DOK6: variants seen among roughly 807,000 people sequenced by gnomAD.
The protein encoded by DOK6 is docking protein 6, also known as downstream of tyrosine kinase 6.
DOK6 carries 22 observed loss-of-function variants against 44.0 expected under a neutral mutation model. The ratio of observed to expected loss-of-function variants is 0.50; its 90% CI spans 0.36 to 0.71. The LOEUF is 0.71. Ranked by LOEUF, DOK6 falls within the 30% of genes least tolerant of loss-of-function variation. The pLI is 0.00. For missense variants in DOK6, 340 were observed against 416.4 expected (o/e 0.82, Z 1.60); for synonymous variants, 166 against 145.5 (o/e 1.14, Z -1.01).
chr18:69,712,219 T>C (rs1986775031), intron 5 of DOK6, among the ~76,000 whole-genome samples: 1 of 121,560 alleles, frequency 8.2e-6, no homozygotes, highest in South Asian at 2.8e-4. Flanking sequence ...AGGCAGAGCT[T>C]GCAGTGAGCC....
At chr18:69,555,526 C>T (rs1982665718) in intron 1 of DOK6, among the ~76,000 whole-genome samples, 1 of 152,084 alleles carries the variant, frequency 6.6e-6, no homozygotes, top group Admixed American at 6.6e-5. Flanking sequence ...TTGAAGTGCT[C>T]CTTTTGTCAT....
chr18:69,642,748 C>T (rs1047814412), intron 3 of DOK6, among the ~76,000 whole-genome samples: 5 of 152,114 alleles, frequency 3.3e-5, no homozygotes, highest in African/African-American at 1.2e-4. Flanking sequence ...CAGCCTGACA[C>T]GAGAAGGTAC....
chr18:69,815,469 T>G (rs546139212), intron 7 of DOK6, among the ~76,000 whole-genome samples: 5 of 152,318 alleles, frequency 3.3e-5, no homozygotes, highest in Admixed American at 6.5e-5. Flanking sequence ...TACTTGGGAC[T>G]ACGAATAAGG....
intron 3 of DOK6, among the ~76,000 whole-genome samples, chr18:69,626,828 T>C (rs1375176297): frequency 6.6e-6 from 1 of 152,174 alleles, no homozygotes; most frequent in Non-Finnish European, 1.5e-5. Context: ...CATGCAAAAC[T>C]GGCAAGAGGT....
intron 4 of DOK6, among the ~76,000 whole-genome samples, chr18:69,689,870 A>G (rs948286562): frequency 6.6e-6 from 1 of 152,154 alleles, no homozygotes; most frequent in African/African-American, 2.4e-5. Context: ...TAGCACAGCT[A>G]TATAGTGTAA....
chr18:69,806,266 G>A (rs1981049600), intron 7 of DOK6, among the ~76,000 whole-genome samples: 1 of 151,898 alleles, frequency 6.6e-6, no homozygotes, highest in Admixed American at 6.6e-5. Context: ...AGATGGTTTT[G>A]CTGCCAAGAA....
chr18:69,677,858 G>T lies in DOK6; in HGVS notation c.409+5G>T. The stretch of plus-strand genomic sequence containing the variant: ...GAGTGCAGCGGGAACAGAATGGTAG[G>T]TGTGAGATTGCCTTCCATCACTTCA... On this transcript the variant is annotated splice_donor_5th_base_variant and intron_variant, in intron 4 of 7. Coordinates refer to ENST00000382713, the MANE Select transcript of DOK6 (RefSeq NM_152721.6). The T allele has an allele frequency of 5.0e-6, 8 of 1,612,490 alleles. No homozygotes were observed. The highest frequency in any genetic ancestry group is 6.8e-6 in the Non-Finnish European group (8 of 1,179,092).
intron 2 of DOK6, among the ~76,000 whole-genome samples, chr18:69,587,506 T>A (rs1397335161): frequency 6.6e-6 from 1 of 152,088 alleles, no homozygotes; most frequent in Admixed American, 6.6e-5. Flanking sequence ...AAGACCCCTT[T>A]TCCAAATAAG....
intron 2 of DOK6, among the ~76,000 whole-genome samples, chr18:69,574,682 T>C (rs1024751405): frequency 5.3e-5 from 8 of 152,040 alleles, no homozygotes; most frequent in African/African-American, 1.9e-4. Flanking sequence ...AAAAATTGCA[T>C]GGGGCAATAA....
intron 1 of DOK6, among the ~76,000 whole-genome samples, chr18:69,561,793 A>G (rs1437171668): frequency 1.3e-5 from 2 of 152,172 alleles, no homozygotes; most frequent in Non-Finnish European, 2.9e-5. Context: ...TGGTTGTTCT[A>G]CTTTTATAAT....
At chr18:69,588,137 G>GACATTA (rs1347204712) in intron 2 of DOK6, among the ~76,000 whole-genome samples, 1 of 152,076 alleles carries the variant, frequency 6.6e-6, no homozygotes, top group East Asian at 1.9e-4. Flanking sequence ...TTCTCTCTAT[G>GACATTA]ACATTAACTG....
chr18:69,550,808 C>T (rs868302839), intron 1 of DOK6, among the ~76,000 whole-genome samples: 2 of 127,432 alleles, frequency 1.6e-5, no homozygotes, highest in African/African-American at 3.1e-5. Context: ...TATTTTGAGA[C>T]GGTCTTACTC....
At chr18:69,594,752 G>A (rs1043089053) in intron 2 of DOK6, among the ~76,000 whole-genome samples, 1 of 152,002 alleles carries the variant, frequency 6.6e-6, no homozygotes, top group Non-Finnish European at 1.5e-5. Flanking sequence ...ACTTTGGGAG[G>A]TGGAGGCAGG....
chr18:69,549,883 T>TG (rs1388856478), intron 1 of DOK6, among the ~76,000 whole-genome samples: 1 of 150,658 alleles, frequency 6.6e-6, no homozygotes, highest in Non-Finnish European at 1.5e-5. Context: ...TTTTTTTTTT[T>TG]TGCCTATCTA....
chr18:69,567,667 C>A (rs1309615722), intron 2 of DOK6, among the ~76,000 whole-genome samples: 2 of 152,136 alleles, frequency 1.3e-5, no homozygotes, highest in African/African-American at 4.8e-5. Context: ...ATTTCCAGTA[C>A]ATAACAGTGA....
intron 5 of DOK6, among the ~76,000 whole-genome samples, chr18:69,725,660 G>T (rs1293102860): frequency 1.3e-5 from 2 of 152,008 alleles, no homozygotes; most frequent in African/African-American, 4.8e-5. Flanking sequence ...GCCAATTTTT[G>T]TATTTTTAGT....
chr18:69,629,126 C>G (rs575288451), intron 3 of DOK6, among the ~76,000 whole-genome samples: 1 of 152,190 alleles, frequency 6.6e-6, no homozygotes, highest in African/African-American at 2.4e-5. Context: ...TTGAGGATCA[C>G]GGTTGCTGCC....
At position 69,487,175 on chromosome 18, in the gene DOK6, ATATGTGTG is replaced by A. The variant is rs1403785365; in HGVS notation, c.67-77310_67-77303del. The stretch of plus-strand genomic sequence containing the variant: ...TACAATTAGCCTTGGCACTGATAGG[ATATGTGTG>A]TGTGTGTGTGTGTGTGTGTGTGTGT... On this transcript the variant is annotated intron_variant, in intron 1 of 7. Transcript: ENST00000382713. Among the ~76,000 whole-genome samples, 253 of 102,630 alleles carry A rather than the reference ATATGTGTG, an allele frequency of 2.5e-3. 1 individual carries two copies. The highest frequency in any genetic ancestry group is 8.4e-3 in the African/African-American group (242 of 28,644). 67.3% of individuals were successfully genotyped at this position (102,630 alleles called of 152,430 possible).
At chr18:69,631,812 C>G (rs1275765698) in intron 3 of DOK6, among the ~76,000 whole-genome samples, 1 of 152,202 alleles carries the variant, frequency 6.6e-6, no homozygotes, top group African/African-American at 2.4e-5. Context: ...GTCCGAAAAT[C>G]CAAGCGCTAT....
Sources: gnomAD v4.1 joint callset for allele counts (sites outside exome capture counted in the v4.1 genomes callset) on GRCh38, gnomAD v4.1.1 for gene constraint, MANE v1.5 for transcripts, NCBI Gene and HGNC (gene_info 2026-07-23, HGNC 2026-07-21) for gene names.